Variants in DLGAP1 observed in about 807,000 individuals in gnomAD.
DLGAP1 encodes the protein disks large-associated protein 1.
DLGAP1 carries 11 observed loss-of-function variants against 90.8 expected under a neutral mutation model. That is an observed-to-expected ratio of 0.12 (90% confidence interval 0.08 to 0.20). The LOEUF is 0.20. Ranked by LOEUF, DLGAP1 falls within the 10% of genes least tolerant of loss-of-function variation. The pLI is 1.00. For synonymous variants in DLGAP1, 558 were observed against 540.7 expected (o/e 1.03, Z -0.44); for missense variants, 1,050 against 1,333.8 (o/e 0.79, Z 3.31).
intron 7 of DLGAP1, chr18:3,607,007 T>A (rs895406774): frequency 2.6e-5 from 4 of 151,882 alleles, no homozygotes; most frequent in Non-Finnish European, 5.9e-5. Flanking sequence ...CTGGCTAATT[T>A]TAGTAGAGAA....
At chr18:4,211,411 A>G (rs1244946490) in intron 1 of DLGAP1, among the ~76,000 whole-genome samples, 1 of 152,226 alleles carries the variant, frequency 6.6e-6, no homozygotes, top group East Asian at 1.9e-4. Flanking sequence ...AATGTTAGAA[A>G]GGGTTATCAA....
At chr18:4,113,351 G>C (rs1048599163) in intron 2 of DLGAP1, among the ~76,000 whole-genome samples, 8 of 152,054 alleles carry the variant, frequency 5.3e-5, no homozygotes, top group African/African-American at 1.9e-4. Context: ...TTCATTCCCT[G>C]ATGATTAGTG....
chr18:4,089,354 T>C lies in DLGAP1; in HGVS notation c.-159+61826A>G, dbSNP rs375679476. On this transcript the variant is annotated intron_variant, in intron 2 of 12. Coordinates refer to ENST00000315677, the MANE Select transcript of DLGAP1 (RefSeq NM_004746.4). Reference sequence around the variant, plus strand: ...CATGCTCATGGATAGGAAGAATAAATATTGTGAAAATGGCCATACTGCCCA... The same window carrying C: ...CATGCTCATGGATAGGAAGAATAAACATTGTGAAAATGGCCATACTGCCCA... 2.0e-3 allele frequency among the ~76,000 whole-genome samples: 312 copies of C among 152,270 alleles called. 1 individual carries two copies. The highest frequency in any genetic ancestry group is 6.9e-3 in the African/African-American group (286 of 41,552).
intron 3 of DLGAP1, among the ~76,000 whole-genome samples, chr18:3,901,758 G>C (rs956601567): frequency 2.0e-5 from 3 of 152,118 alleles, no homozygotes; most frequent in African/African-American, 7.2e-5. Flanking sequence ...TATTACATTA[G>C]TTCTGAGCAA....
chr18:3,874,585 TTTTA>T (rs1346102283), intron 4 of DLGAP1: 8 of 1,511,648 alleles, frequency 5.3e-6, no homozygotes, highest in Non-Finnish European at 6.1e-6. Flanking sequence ...CCTCTTCCTA[TTTTA>T]TTTATTTAAC....
intron 5 of DLGAP1, among the ~76,000 whole-genome samples, chr18:3,747,475 C>A (rs1403370112): frequency 6.6e-6 from 1 of 152,184 alleles, no homozygotes; most frequent in Non-Finnish European, 1.5e-5. Context: ...AGAACTTGCG[C>A]ATTAGATGAC....
intron 1 of DLGAP1, among the ~76,000 whole-genome samples, chr18:4,202,118 CGTGT>C (rs887236588): frequency 6.0e-5 from 9 of 151,056 alleles, no homozygotes; most frequent in Admixed American, 2.0e-4. Context: ...GTGGTGTGTG[CGTGT>C]GTGTGTGTAT....
At position 4,101,278 on chromosome 18, in the gene DLGAP1, C is replaced by T. The variant is rs138511364; in HGVS notation, c.-159+49902G>A. The stretch of plus-strand genomic sequence containing the variant: ...TTTAATTTCAGTATTGCTGTGTCTC[C>T]GGAAATATGAAGGCATGAGAAGAGG... On this transcript the variant is annotated intron_variant, in intron 2 of 12. Coordinates refer to ENST00000315677, the MANE Select transcript of DLGAP1 (RefSeq NM_004746.4). Among the ~76,000 whole-genome samples, 437 of 152,128 alleles carry T rather than the reference C, an allele frequency of 2.9e-3. 1 individual carries two copies. Among genetic ancestry groups the T allele is most frequent in the African/African-American group, 9.9e-3 (411 of 41,494 alleles).
intron 3 of DLGAP1, among the ~76,000 whole-genome samples, chr18:3,968,760 C>T (rs1054757074): frequency 6.6e-6 from 1 of 152,044 alleles, no homozygotes; most frequent in African/African-American, 2.4e-5. Context: ...TCATCATACC[C>T]AATCAAACTT....
chr18:4,365,986 C>T (rs369539514), intron 1 of DLGAP1, among the ~76,000 whole-genome samples: 20 of 151,974 alleles, frequency 1.3e-4, no homozygotes, highest in African/African-American at 4.1e-4. Flanking sequence ...ACACTGATTT[C>T]AAGTGGAATT....
rs183513182 is a variant in DLGAP1, at chr18:3,599,409, G to A, written c.1592-17161C>T. The stretch of plus-strand genomic sequence containing the variant: ...GTCTGCAGGGAGAGGTGGCATCACC[G>A]CACTGTAAATAGTTTCCGAGGTCAA... On this transcript the variant is annotated intron_variant, in intron 7 of 12. Transcript: ENST00000315677. Among the ~76,000 whole-genome samples, 450 of 152,294 alleles carry A rather than the reference G, an allele frequency of 3.0e-3. 5 individuals are homozygous for A. The highest frequency in any genetic ancestry group is 2.3e-3 in the Non-Finnish European group (154 of 68,022).
chr18:3,938,596 C>T (rs913143823), intron 3 of DLGAP1, among the ~76,000 whole-genome samples: 3 of 152,080 alleles, frequency 2.0e-5, no homozygotes, highest in African/African-American at 7.2e-5. Context: ...ACTGCTATAC[C>T]CCAGGTGCCC....
At chr18:3,791,515 C>CGTGT (rs10585847) in intron 5 of DLGAP1, among the ~76,000 whole-genome samples, 6 of 150,262 alleles carry the variant, frequency 4.0e-5, no homozygotes, top group African/African-American at 1.2e-4. Context: ...TGCACATGTG[C>CGTGT]GTGTGTGTGT....
rs552284157 is a variant in DLGAP1, at chr18:4,122,823, T to A, written c.-159+28357A>T. Among the ~76,000 whole-genome samples, 171 of 152,280 alleles carry A rather than the reference T, an allele frequency of 1.1e-3. 1 individual carries two copies. The highest frequency in any genetic ancestry group is 4.0e-3 in the African/African-American group (168 of 41,558). ...TTATTTGCATTCCAAAGGCTAAGAA[T>A]AGGAACTCAGGATCCTTGCCAAAGA... On this transcript the variant is annotated intron_variant, in intron 2 of 12. Coordinates refer to ENST00000315677, the MANE Select transcript of DLGAP1 (RefSeq NM_004746.4).
intron 3 of DLGAP1, among the ~76,000 whole-genome samples, chr18:3,965,337 G>A (rs1462700777): frequency 1.3e-5 from 2 of 152,158 alleles, no homozygotes; most frequent in Non-Finnish European, 2.9e-5. Context: ...AGACAAGGTT[G>A]ACTTAAAACC....
At chr18:4,239,473 G>GT (rs914790988) in intron 1 of DLGAP1, among the ~76,000 whole-genome samples, 1 of 152,058 alleles carries the variant, frequency 6.6e-6, no homozygotes, top group African/African-American at 2.4e-5. Flanking sequence ...TTAGTCTGCA[G>GT]TTTTTTAGTT....
chr18:3,547,813 G>C (rs1299249833), intron 9 of DLGAP1, among the ~76,000 whole-genome samples: 1 of 152,130 alleles, frequency 6.6e-6, no homozygotes, highest in Non-Finnish European at 1.5e-5. Flanking sequence ...ATTCATGATG[G>C]ATAAATAGAT....
In DLGAP1 at chr18:3,656,847, C is replaced by T. The variant is rs148519904; in HGVS notation, c.1591+72288G>A. ...CTGCAACCTCTGCCTCCTGGGTGGACGCCATTCTCCTGCCTCAGCCTCCCG... is the reference window on the plus strand; with the variant it reads ...CTGCAACCTCTGCCTCCTGGGTGGATGCCATTCTCCTGCCTCAGCCTCCCG... On this transcript the variant is annotated intron_variant, in intron 7 of 12. Transcript: ENST00000315677. Among the ~76,000 whole-genome samples the T allele has an allele frequency of 4.5e-3, 691 of 151,986 alleles. 8 individuals carry two copies. The highest frequency in any genetic ancestry group is 0.015 in the African/African-American group (606 of 41,428).
At chr18:4,316,148 C>A (rs2080521670) in intron 1 of DLGAP1, among the ~76,000 whole-genome samples, 1 of 152,108 alleles carries the variant, frequency 6.6e-6, no homozygotes, top group Admixed American at 6.5e-5. Flanking sequence ...TTTCTTAAGC[C>A]CAACTGGATC....
Sources: allele counts gnomAD v4.1 joint callset (sites outside exome capture counted in the v4.1 genomes callset), GRCh38; gene constraint gnomAD v4.1.1; transcripts MANE v1.5; gene names NCBI Gene and HGNC (gene_info 2026-07-23, HGNC 2026-07-21).